RPA3: variants seen among roughly 807,000 people sequenced by gnomAD.
RPA3 encodes the protein replication protein A3.
Under a neutral mutation model 13.7 loss-of-function variants are expected in RPA3, and 24 were observed. The ratio of observed to expected loss-of-function variants is 1.75; its 90% CI spans 1.27 to 2.46. The LOEUF (loss-of-function observed/expected upper bound fraction) is 2.46, where lower values mean the gene tolerates loss of function less well. RPA3 is among the 30% of genes most tolerant of loss of function. The probability of loss-of-function intolerance (pLI) is 0.00; values close to 1 mark genes in which losing one functional copy is unlikely to be tolerated. For missense variants in RPA3, 183 were observed against 151.0 expected (o/e 1.21, Z -1.11); for synonymous variants, 59 against 51.2 (o/e 1.15, Z -0.65).
intron 4 of RPA3, among the ~76,000 whole-genome samples, chr7:7,653,858 G>A (rs28992774): frequency 6.6e-6 from 1 of 152,160 alleles, no homozygotes; most frequent in African/African-American, 2.4e-5. Context: ...CACTTAGTGG[G>A]TTAAAGCCAG....
At chr7:7,637,673 GTA>G (rs772468018) in intron 7 of RPA3, among the ~76,000 whole-genome samples, 189 bp downstream of exon 7, 20 of 149,560 alleles carry the variant, frequency 1.3e-4, no homozygotes, top group Admixed American at 9.3e-4. Context: ...ATATAAAACT[GTA>G]TGTTATGTAA....
intron 4 of RPA3, among the ~76,000 whole-genome samples, chr7:7,665,194 T>C (rs1779410674): frequency 6.6e-6 from 1 of 152,168 alleles, no homozygotes; most frequent in African/African-American, 2.4e-5. Context: ...TTGTCATGGA[T>C]AATATTACTT....
chr7:7,673,410 G>A (rs1779660895), intron 4 of RPA3: 1 of 1,084,940 alleles, frequency 9.2e-7, no homozygotes, highest in African/African-American at 1.5e-5. Flanking sequence ...AATCTAAAAA[G>A]CCCTCAGTAC....
intron 4 of RPA3, among the ~76,000 whole-genome samples, chr7:7,669,667 C>T (rs1779556624): frequency 1.3e-5 from 2 of 152,152 alleles, no homozygotes; most frequent in Non-Finnish European, 2.9e-5. Context: ...AACTAGGAAG[C>T]ATGTTCCCAC....
At chr7:7,645,746 G>C (rs1785079307) in intron 4 of RPA3, among the ~76,000 whole-genome samples, 1 of 151,612 alleles carries the variant, frequency 6.6e-6, no homozygotes, top group East Asian at 1.9e-4. Flanking sequence ...TCACATTCTT[G>C]GAAGCTTGGT....
chr7:7,683,997 A>G (rs1779979391), intron 4 of RPA3, among the ~76,000 whole-genome samples: 1 of 152,208 alleles, frequency 6.6e-6, no homozygotes, highest in Non-Finnish European at 1.5e-5. Flanking sequence ...ACCCCCGCTC[A>G]TACCAAAATC....
intron 2 of RPA3, among the ~76,000 whole-genome samples, chr7:7,712,040 C>A (rs1409732757): frequency 2.6e-5 from 4 of 152,048 alleles, no homozygotes; most frequent in Non-Finnish European, 5.9e-5. Context: ...TCCAAGCTTA[C>A]TCTTACATAT....
At chr7:7,715,282 A>G (rs1583767579) in intron 1 of RPA3, 56 bp from the exon 2 acceptor site, 1 of 152,192 alleles carries the variant, frequency 6.6e-6, no homozygotes, top group Admixed American at 6.5e-5. Context: ...CACCAGATTT[A>G]TGAATACAGT....
At chr7:7,663,140 T>G (rs1186459444) in intron 4 of RPA3, among the ~76,000 whole-genome samples, 2 of 151,120 alleles carry the variant, frequency 1.3e-5, no homozygotes, top group East Asian at 3.9e-4. Context: ...TTGCCTTCTT[T>G]CCCTCTTCCC....
chr7:7,644,464 A>T (rs1373113078), intron 4 of RPA3, among the ~76,000 whole-genome samples: 4 of 152,014 alleles, frequency 2.6e-5, no homozygotes, highest in Admixed American at 2.6e-4. Flanking sequence ...ATTCTTTGAT[A>T]CATCGTACTC....
intron 2 of RPA3, among the ~76,000 whole-genome samples, chr7:7,698,152 G>A (rs543941158): frequency 1.3e-5 from 2 of 152,278 alleles, no homozygotes; most frequent in East Asian, 1.9e-4. Context: ...GAATAAACAG[G>A]TAGTTCTATA....
Position 7,637,948 on chromosome 7 carries a change from C to A in RPA3, c.199G>T (p.Val67Leu). The A allele has an allele frequency of 6.2e-7, 1 of 1,613,534 alleles. No homozygotes were observed. Among genetic ancestry groups the A allele is most frequent in the East Asian group, 2.2e-5 (1 of 44,768 alleles). ...GCGGTTACTCTTCCAACCACTTCCA[C>A]AATTCCAGAGATTTCTTCATCAAGC... Reference protein sequence around the residue: ...EPLDEEISGIVEVVGRVTAKA... With the variant: ...EPLDEEISGILEVVGRVTAKA... The change falls in exon 7 of 8, where the codon GTG becomes TTG. Residue 67 changes from valine (V) to leucine (L), a missense_variant. Transcript: ENST00000223129.
chr7:7,685,670 A>G (rs1377676464), intron 4 of RPA3, among the ~76,000 whole-genome samples, 160 bp downstream of exon 4: 1 of 152,140 alleles, frequency 6.6e-6, no homozygotes, highest in Admixed American at 6.5e-5. Context: ...TGGTTTCTCA[A>G]GTTGCCTGCC....
intron 4 of RPA3, among the ~76,000 whole-genome samples, chr7:7,643,191 T>C (rs1785014491): frequency 6.6e-6 from 1 of 152,150 alleles, no homozygotes; most frequent in East Asian, 1.9e-4. Flanking sequence ...AAAATGTTAA[T>C]TGAATGTAGA....
chr7:7,689,602 CCT>C lies in RPA3; in HGVS notation c.-1027-2276_-1027-2275del, dbSNP rs1436173231. 3 of 152,016 alleles carry C rather than the reference CCT, an allele frequency of 2.0e-5. No homozygotes were observed. In the East Asian group the frequency reaches 5.8e-4, roughly 29 times the overall value. The allele number at this position is 152,016 out of a possible 1,614,324, so 9.4% of individuals were successfully genotyped here. Reference sequence around the variant, plus strand: ...TGGATAATCTTTTCTTGGTAGAGCCCCTGTTTTTCATGCCCAGACTTCATGGA... The same window carrying C: ...TGGATAATCTTTTCTTGGTAGAGCCCGTTTTTCATGCCCAGACTTCATGGA... On this transcript the variant is annotated intron_variant, in intron 2 of 7. Transcript: ENST00000223129.
At chr7:7,647,021 A>G (rs1256200728) in intron 4 of RPA3, among the ~76,000 whole-genome samples, 1 of 152,158 alleles carries the variant, frequency 6.6e-6, no homozygotes, top group Non-Finnish European at 1.5e-5. Flanking sequence ...CAGTTACACT[A>G]GTTTTGTGAA....
At chr7:7,651,488 C>T (rs573727117) in intron 4 of RPA3, among the ~76,000 whole-genome samples, 1 of 152,308 alleles carries the variant, frequency 6.6e-6, no homozygotes, top group South Asian at 2.1e-4. Flanking sequence ...CCTCTTCTGT[C>T]TCGTATTTTC....
intron 1 of RPA3, among the ~76,000 whole-genome samples, chr7:7,717,456 T>C (rs1780946148): frequency 2.6e-5 from 4 of 152,226 alleles, no homozygotes; most frequent in Admixed American, 2.6e-4. Flanking sequence ...CTCAGGTATT[T>C]ACCTCAGACA....
chr7:7,688,211 C>A (rs1031497399), intron 2 of RPA3, among the ~76,000 whole-genome samples: 2 of 152,090 alleles, frequency 1.3e-5, no homozygotes, highest in Non-Finnish European at 2.9e-5. Flanking sequence ...TTAAGAATTA[C>A]TTTTTTAGAT....
Sources: gnomAD v4.1 joint callset for allele counts (sites outside exome capture counted in the v4.1 genomes callset) on GRCh38, gnomAD v4.1.1 for gene constraint, MANE v1.5 for transcripts, NCBI Gene and HGNC (gene_info 2026-07-23, HGNC 2026-07-21) for gene names.